Variants in SHISA6 observed in about 807,000 individuals in gnomAD.
SHISA6 encodes shisa family member 6, also known as protein shisa-6.
SHISA6 carries 22 observed loss-of-function variants against 47.9 expected under a neutral mutation model. The ratio of observed to expected loss-of-function variants is 0.46; its 90% CI spans 0.33 to 0.66. The LOEUF (loss-of-function observed/expected upper bound fraction) is 0.66, where lower values mean the gene tolerates loss of function less well. Among genes scored for constraint, SHISA6 ranks in the 30% least tolerant of loss-of-function variants. SHISA6 has a pLI of 0.02. For synonymous variants in SHISA6, 388 were observed against 337.8 expected (o/e 1.15, Z -1.63); for missense variants, 680 against 764.6 (o/e 0.89, Z 1.30).
chr17:11,271,177 T>A (rs1053613077), intron 2 of SHISA6, among the ~76,000 whole-genome samples: 1 of 151,756 alleles, frequency 6.6e-6, no homozygotes, highest in South Asian at 2.1e-4. Flanking sequence ...AACATGCCCA[T>A]GCTGGAGAAA....
At chr17:11,382,242 T>G (rs1173259045) in intron 3 of SHISA6, among the ~76,000 whole-genome samples, 1 of 152,076 alleles carries the variant, frequency 6.6e-6, no homozygotes, top group Non-Finnish European at 1.5e-5. Context: ...TCAGCTAATT[T>G]AATTTTTTTT....
chr17:11,544,183 A>T (rs2071860718), intron 3 of SHISA6, among the ~76,000 whole-genome samples: 1 of 152,158 alleles, frequency 6.6e-6, no homozygotes. Flanking sequence ...GCTTGATACC[A>T]GAAGCACAAT....
chr17:11,467,452 CT>C (rs1915837641), intron 3 of SHISA6, among the ~76,000 whole-genome samples: 1 of 152,186 alleles, frequency 6.6e-6, no homozygotes, highest in Admixed American at 6.5e-5. Context: ...TTTCTCTCTT[CT>C]GTTAATTCTT....
At chr17:11,283,251 T>C (rs1242205348) in intron 2 of SHISA6, among the ~76,000 whole-genome samples, 1 of 152,240 alleles carries the variant, frequency 6.6e-6, no homozygotes, top group Admixed American at 6.5e-5. Context: ...TTTGTAAATG[T>C]ATATATGTAT....
chr17:11,327,185 C>G (rs1008038299), intron 2 of SHISA6, among the ~76,000 whole-genome samples: 2 of 152,166 alleles, frequency 1.3e-5, no homozygotes, highest in Non-Finnish European at 2.9e-5. Context: ...TAACTATTTC[C>G]TCATTTCCAA....
intron 2 of SHISA6, among the ~76,000 whole-genome samples, chr17:11,362,815 C>A (rs1480217593): frequency 2.0e-5 from 3 of 152,172 alleles, no homozygotes; most frequent in Non-Finnish European, 2.9e-5. Flanking sequence ...GGATCAGAGG[C>A]CTCCTAAACC....
intron 5 of SHISA6, 142 bp from the exon 6 acceptor site, chr17:11,557,612 A>T: frequency 1.2e-6 from 1 of 804,846 alleles, no homozygotes; most frequent in Non-Finnish European, 1.9e-6. Flanking sequence ...GTCTGTCCTA[A>T]TCCATAACTA....
At chr17:11,277,272 TCTCTCTCTCACACACA>T (rs1397456256) in intron 2 of SHISA6, among the ~76,000 whole-genome samples, 11 of 68,752 alleles carry the variant, frequency 1.6e-4, no homozygotes, top group African/African-American at 4.9e-4. Flanking sequence ...TCTCTCTCTC[TCTCTCTCTCACACACA>T]CACACACACA....
At chr17:11,544,424 T>C (rs923103266) in intron 3 of SHISA6, among the ~76,000 whole-genome samples, 17 of 152,016 alleles carry the variant, frequency 1.1e-4, no homozygotes, top group Admixed American at 2.0e-4. Context: ...TGAAGATATA[T>C]AGATGAAAAA....
At chr17:11,335,554 C>A (rs1056561433) in intron 2 of SHISA6, among the ~76,000 whole-genome samples, 1 of 152,122 alleles carries the variant, frequency 6.6e-6, no homozygotes, top group Non-Finnish European at 1.5e-5. Context: ...AATTAAAGTT[C>A]CTCTTGAGTA....
intron 1 of SHISA6, among the ~76,000 whole-genome samples, chr17:11,258,205 A>G (rs1052665514): frequency 6.6e-6 from 1 of 152,240 alleles, no homozygotes; most frequent in Non-Finnish European, 1.5e-5. Context: ...GAGAAAGGGC[A>G]TGATTAGGGC....
At chr17:11,266,768 C>T (rs150790433) in intron 2 of SHISA6, among the ~76,000 whole-genome samples, 21 of 152,242 alleles carry the variant, frequency 1.4e-4, no homozygotes, top group African/African-American at 4.8e-4. Flanking sequence ...GTCCTTAGAC[C>T]AGGCAGGGCC....
chr17:11,322,388 A>G (rs1393555716), intron 2 of SHISA6, among the ~76,000 whole-genome samples: 2 of 152,118 alleles, frequency 1.3e-5, no homozygotes, highest in Non-Finnish European at 2.9e-5. Context: ...TTTCTTTACA[A>G]TTTCTTATAG....
rs541943125 is a variant in SHISA6 at position 11,555,765 on chromosome 17, G to A, written c.978G>A (p.Leu326=). The A allele has an allele frequency of 4.5e-5, 70 of 1,548,624 alleles. No homozygotes were observed. Among genetic ancestry groups the A allele is most frequent in the South Asian group, 6.0e-5 (5 of 83,540 alleles). Reference sequence around the variant, plus strand: ...AGAAGCCACGGATGAACAACATCCTGACATCAGCCACCGAGCCCTATGACC... The same window carrying A: ...AGAAGCCACGGATGAACAACATCCTAACATCAGCCACCGAGCCCTATGACC... ...PHEKPRMNNI[L]TSATEPYDLS... The change falls in exon 5 of 6, where the codon CTG becomes CTA. Residue 326 remains leucine, a synonymous_variant. Coordinates refer to ENST00000441885, the MANE Select transcript of SHISA6 (RefSeq NM_207386.4).
At chr17:11,288,746 CTT>C (rs1372587700) in intron 2 of SHISA6, 7 of 152,304 alleles carry the variant, frequency 4.6e-5, no homozygotes, top group African/African-American at 1.7e-4. Context: ...CACTGATTCT[CTT>C]GAGTTTTCTA....
At chr17:11,335,146 T>C (rs1006242700) in intron 2 of SHISA6, among the ~76,000 whole-genome samples, 1 of 152,194 alleles carries the variant, frequency 6.6e-6, no homozygotes, top group Non-Finnish European at 1.5e-5. Context: ...ATACAGAGCT[T>C]TCTCCTGTCA....
intron 3 of SHISA6, among the ~76,000 whole-genome samples, chr17:11,457,453 CG>C (rs1286574294): frequency 6.6e-6 from 1 of 152,024 alleles, no homozygotes; most frequent in African/African-American, 2.4e-5. Context: ...TGAGATAGGC[CG>C]GGCACGGTGG....
intron 2 of SHISA6, among the ~76,000 whole-genome samples, chr17:11,268,152 C>T (rs1265687404): frequency 6.6e-6 from 1 of 152,138 alleles, no homozygotes; most frequent in East Asian, 1.9e-4. Flanking sequence ...TCAAGAGTGA[C>T]ATCATCTGGA....
intron 2 of SHISA6, among the ~76,000 whole-genome samples, chr17:11,326,429 G>A (rs114587550): frequency 0.011 from 1,682 of 152,236 alleles, 32 homozygotes; most frequent in African/African-American, 0.038. Flanking sequence ...TGTGTGTGTT[G>A]TAGTATTGCA....
Sources: gnomAD v4.1 joint callset for allele counts (sites outside exome capture counted in the v4.1 genomes callset) on GRCh38, gnomAD v4.1.1 for gene constraint, MANE v1.5 for transcripts, NCBI Gene and HGNC (gene_info 2026-07-23, HGNC 2026-07-21) for gene names.